Variants in BMPER observed in about 807,000 individuals in gnomAD.
BMPER encodes the protein BMP-binding endothelial regulator protein.
Under a neutral mutation model 87.3 loss-of-function variants are expected in BMPER, and 45 were observed. The observed-to-expected ratio is 0.52, with a 90% CI of 0.41 to 0.66. The LOEUF is 0.66. Ranked by LOEUF, BMPER falls within the 30% of genes least tolerant of loss-of-function variation. The probability of loss-of-function intolerance (pLI) is 0.00; values close to 1 mark genes in which losing one functional copy is unlikely to be tolerated. For synonymous variants in BMPER, 326 were observed against 316.2 expected, an observed-to-expected ratio of 1.03 and a Z score of -0.33; for missense variants, 784 against 867.5, an observed-to-expected ratio of 0.90 and a Z score of 1.21.
Position 34,146,107 on chromosome 7 carries a change from A to C in BMPER, c.1876+2747A>C, listed in dbSNP as rs150779095. Among the ~76,000 whole-genome samples, 11 of 152,256 alleles carry C rather than the reference A, an allele frequency of 7.2e-5. No individual in the cohort carries two copies. The East Asian group carries it at 2.1e-3, about 29-fold the overall frequency. ...ACTTCCACAGACTGACAGTTGGTAC[A>C]TGAAGAAATAAATTTACACAGATCT... On this transcript the variant is annotated intron_variant, in intron 14 of 14. Coordinates refer to ENST00000649409, the MANE Select transcript of BMPER (RefSeq NM_001365308.1).
intron 13 of BMPER, among the ~76,000 whole-genome samples, chr7:34,120,400 GT>G (rs1328030260): frequency 1.5e-5 from 1 of 64,772 alleles, no homozygotes; most frequent in African/African-American, 4.1e-5. Flanking sequence ...GTGTTTTTTT[GT>G]TTGTTGTTTT....
chr7:33,933,186 T>C (rs1337664627), intron 2 of BMPER, among the ~76,000 whole-genome samples: 1 of 152,216 alleles, frequency 6.6e-6, no homozygotes. Flanking sequence ...AAAAATGTTT[T>C]ACTCCCTATG....
chr7:34,104,174 CT>C (rs373241645), intron 13 of BMPER, among the ~76,000 whole-genome samples: 75 of 152,298 alleles, frequency 4.9e-4, no homozygotes, highest in Admixed American at 1.2e-3. Context: ...TTCTAGAAGC[CT>C]TTTCTCCAGC....
intron 3 of BMPER, among the ~76,000 whole-genome samples, chr7:33,952,711 T>C (rs988382159): frequency 6.6e-6 from 1 of 152,216 alleles, no homozygotes; most frequent in Non-Finnish European, 1.5e-5. Context: ...TGGTAAATGT[T>C]CCCACTGGAC....
chr7:34,055,689 T>C (rs1352017495), intron 9 of BMPER, among the ~76,000 whole-genome samples: 1 of 152,164 alleles, frequency 6.6e-6, no homozygotes, highest in East Asian at 1.9e-4. Context: ...TTTAGAAGTT[T>C]TTCACAAAGC....
chr7:34,074,617 T>C (rs557500404), intron 11 of BMPER, among the ~76,000 whole-genome samples: 1 of 152,176 alleles, frequency 6.6e-6, no homozygotes, highest in Non-Finnish European at 1.5e-5. Flanking sequence ...TAAAGCCGTG[T>C]TTTTTTATGT....
At chr7:34,075,255 C>G (rs967602087) in intron 11 of BMPER, among the ~76,000 whole-genome samples, 1 of 152,088 alleles carries the variant, frequency 6.6e-6, no homozygotes. Context: ...TGTCTTTAAT[C>G]CAGTATTTTT....
At chr7:34,074,855 CTA>C (rs1788822433) in intron 11 of BMPER, among the ~76,000 whole-genome samples, 1 of 152,212 alleles carries the variant, frequency 6.6e-6, no homozygotes, top group Admixed American at 6.5e-5. Context: ...ATTATCGTAA[CTA>C]TGTTCAAATA....
At chr7:34,081,777 T>C (rs138829532) in intron 12 of BMPER, among the ~76,000 whole-genome samples, 1,623 of 152,342 alleles carry the variant, frequency 0.011, 44 homozygotes, top group African/African-American at 0.037. Context: ...ACCCAGAGAA[T>C]ACATCCTACC....
At chr7:34,067,463 G>T (rs1218948617) in intron 11 of BMPER, among the ~76,000 whole-genome samples, 2 of 152,166 alleles carry the variant, frequency 1.3e-5, no homozygotes, top group Non-Finnish European at 2.9e-5. Context: ...CAGAGGTTCT[G>T]CAAATTAGTG....
chr7:33,943,722 C>T (rs187033635), intron 3 of BMPER, among the ~76,000 whole-genome samples: 3 of 152,330 alleles, frequency 2.0e-5, no homozygotes, highest in East Asian at 1.9e-4. Flanking sequence ...TGGTGTCACA[C>T]GTGGCAAAAT....
chr7:34,006,763 C>T (rs1167634576), intron 6 of BMPER, among the ~76,000 whole-genome samples: 1 of 151,680 alleles, frequency 6.6e-6, no homozygotes, highest in Non-Finnish European at 1.5e-5. Flanking sequence ...TTCCTCTTTG[C>T]GATGCAATTT....
At chr7:34,001,549 T>C (rs1321758143) in intron 6 of BMPER, among the ~76,000 whole-genome samples, 2 of 145,926 alleles carry the variant, frequency 1.4e-5, no homozygotes, top group Non-Finnish European at 3.0e-5. Flanking sequence ...ATTTTAGTAA[T>C]TTGAATCTGC....
chr7:33,931,988 G>A (rs1220933076), intron 2 of BMPER, among the ~76,000 whole-genome samples: 1 of 152,174 alleles, frequency 6.6e-6, no homozygotes, highest in Non-Finnish European at 1.5e-5. Context: ...TTCCCCAAGA[G>A]CTTGTAGGTT....
intron 13 of BMPER, among the ~76,000 whole-genome samples, chr7:34,136,238 A>G (rs1048776696): frequency 7.9e-5 from 12 of 152,104 alleles, no homozygotes; most frequent in African/African-American, 2.4e-4. Flanking sequence ...CACAGTTCCC[A>G]GGATTGAAGC....
chr7:34,102,146 A>AT (rs34734593), intron 13 of BMPER, among the ~76,000 whole-genome samples: 105,853 of 150,954 alleles, frequency 0.7, 37,620 homozygotes, highest in East Asian at 0.93. Context: ...CCTTTTCTCC[A>AT]TTTTTTTTTG....
chr7:33,931,133 C>G (rs1040029201), intron 2 of BMPER, among the ~76,000 whole-genome samples: 1 of 152,196 alleles, frequency 6.6e-6, no homozygotes, highest in Non-Finnish European at 1.5e-5. Context: ...AGGGCAGAAA[C>G]GTGGCAGGAG....
intron 9 of BMPER, among the ~76,000 whole-genome samples, chr7:34,057,507 A>G (rs919004031): frequency 4.6e-5 from 7 of 152,128 alleles, no homozygotes; most frequent in Non-Finnish European, 7.4e-5. Flanking sequence ...CTGCATTTTC[A>G]GTGGCTTGCC....
At chr7:33,920,475 G>C (rs1428988111) in intron 2 of BMPER, among the ~76,000 whole-genome samples, 3 of 142,784 alleles carry the variant, frequency 2.1e-5, no homozygotes, top group Non-Finnish European at 4.5e-5. Context: ...GCCCAGGCTG[G>C]AGTACAGTGG....
Sources: allele counts gnomAD v4.1 joint callset (sites outside exome capture counted in the v4.1 genomes callset), GRCh38; gene constraint gnomAD v4.1.1; transcripts MANE v1.5; gene names NCBI Gene and HGNC (gene_info 2026-07-23, HGNC 2026-07-21).